MSH3: variants seen among roughly 807,000 people sequenced by gnomAD.
The protein encoded by MSH3 is mutS homolog 3, also known as DNA mismatch repair protein Msh3.
Under a neutral mutation model 123.3 loss-of-function variants are expected in MSH3, and 106 were observed. The observed-to-expected ratio is 0.86, with a 90% CI of 0.73 to 1.01. The LOEUF (loss-of-function observed/expected upper bound fraction) is 1.01. Among genes scored for constraint, MSH3 ranks in the 50% least tolerant of loss-of-function variants. The probability of loss-of-function intolerance (pLI) is 0.00; values close to 1 mark genes in which losing one functional copy is unlikely to be tolerated. For synonymous variants in MSH3, 515 were observed against 481.4 expected, an observed-to-expected ratio of 1.07 and a Z score of -0.91; for missense variants, 1,459 against 1,347.6, an observed-to-expected ratio of 1.08 and a Z score of -1.29.
In MSH3 at chr5:80,805,593, C is replaced by CT. The variant is rs34689496; in HGVS notation, c.2656-7972dup. Among the ~76,000 whole-genome samples the CT allele has an allele frequency of 4.6e-3, 481 of 104,462 alleles. 21 individuals are homozygous for CT. The highest frequency in any genetic ancestry group is 9.4e-3 in the African/African-American group (265 of 28,254). 68.5% of individuals were successfully genotyped at this position (104,462 alleles called of 152,430 possible). On this transcript the variant is annotated intron_variant, in intron 19 of 23. Coordinates refer to ENST00000265081, the MANE Select transcript of MSH3 (RefSeq NM_002439.5). ...TCAATATGATGCCCCCCCCCCCTAC[C>CT]TTTTTTTTTTTTTTTTTTTGAGATG...
intron 20 of MSH3, among the ~76,000 whole-genome samples, chr5:80,843,045 A>T (rs1745654800): frequency 6.6e-6 from 1 of 152,136 alleles, no homozygotes. Flanking sequence ...TGGGTTTGTC[A>T]TAAATAGCTC....
chr5:80,741,403 A>G (rs1561462324), intron 10 of MSH3, 61 bp from the exon 11 acceptor site: 1 of 1,080,296 alleles, frequency 9.3e-7, no homozygotes, highest in Non-Finnish European at 1.4e-6. Flanking sequence ...TAGTTCCTGA[A>G]TTAGTTTTTT....
At chr5:80,755,018 C>G (rs750375658) in intron 12 of MSH3, among the ~76,000 whole-genome samples, 3 of 152,150 alleles carry the variant, frequency 2.0e-5, no homozygotes, top group Non-Finnish European at 4.4e-5. Flanking sequence ...AGCCAGCAAC[C>G]GGGTGTTCAC....
At chr5:80,680,672 C>T (rs1216774787) in intron 8 of MSH3, among the ~76,000 whole-genome samples, 1 of 151,810 alleles carries the variant, frequency 6.6e-6, no homozygotes, top group Non-Finnish European at 1.5e-5. Flanking sequence ...TCATGAACTC[C>T]TGTCACTCTA....
intron 8 of MSH3, among the ~76,000 whole-genome samples, chr5:80,685,689 T>A (rs1009072482): frequency 5.3e-5 from 8 of 152,066 alleles, no homozygotes; most frequent in African/African-American, 1.9e-4. Flanking sequence ...TATTTTATAT[T>A]AATTTTGGGT....
At chr5:80,864,708 G>C in intron 21 of MSH3, 105 bp from the exon 22 acceptor site, 1 of 984,518 alleles carries the variant, frequency 1.0e-6, no homozygotes, top group Non-Finnish European at 1.5e-6. Flanking sequence ...CTTTTCTTGT[G>C]ACTTTTAGGA....
At chr5:80,852,331 C>CA (rs1357854502) in intron 20 of MSH3, among the ~76,000 whole-genome samples, 2 of 151,990 alleles carry the variant, frequency 1.3e-5, no homozygotes, top group South Asian at 2.1e-4. Flanking sequence ...GTCTCAAAAA[C>CA]AAAAAACAAA....
intron 20 of MSH3, among the ~76,000 whole-genome samples, chr5:80,844,111 T>G (rs1299681801): frequency 6.6e-6 from 1 of 152,098 alleles, no homozygotes; most frequent in East Asian, 1.9e-4. Flanking sequence ...TTTGTTCTCA[T>G]AGGTTTCAAA....
chr5:80,654,709 C>G lies in MSH3; in HGVS notation c.-19C>G. 1 of 1,584,838 alleles carries G rather than the reference C, an allele frequency of 6.3e-7. No individual in the cohort carries two copies. The highest frequency in any genetic ancestry group is 1.1e-5 in the South Asian group (1 of 89,346). ...CTCCTCGCCAGGCCCTGCCGCCGGG[C>G]TGCCATCCTTGCCCTGCCATGTCTC... On this transcript the variant is annotated 5_prime_UTR_variant, in exon 1 of 24. Transcript: ENST00000265081.
intron 16 of MSH3, among the ~76,000 whole-genome samples, chr5:80,776,351 T>A (rs1744298801): frequency 6.6e-6 from 1 of 152,228 alleles, no homozygotes; most frequent in Admixed American, 6.5e-5. Flanking sequence ...GGAAGAAAAG[T>A]TGAGGAACCT....
At chr5:80,778,547 A>C (rs866038993) in intron 16 of MSH3, among the ~76,000 whole-genome samples, 173 bp from the exon 17 acceptor site, 33 of 152,356 alleles carry the variant, frequency 2.2e-4, no homozygotes, top group Middle Eastern at 3.4e-3. Flanking sequence ...GCAAAGTCAT[A>C]TTCTTTGGAA....
At chr5:80,800,609 G>A (rs1744774992) in intron 19 of MSH3, among the ~76,000 whole-genome samples, 1 of 152,204 alleles carries the variant, frequency 6.6e-6, no homozygotes, top group Non-Finnish European at 1.5e-5. Context: ...GTGGAAACAA[G>A]GGGGTCATAT....
At chr5:80,717,737 T>A (rs964383927) in intron 8 of MSH3, among the ~76,000 whole-genome samples, 1 of 152,228 alleles carries the variant, frequency 6.6e-6, no homozygotes, top group East Asian at 1.9e-4. Flanking sequence ...TGGTTTTGAT[T>A]TGTATTTTCC....
At chr5:80,696,634 C>T (rs1004539495) in intron 8 of MSH3, among the ~76,000 whole-genome samples, 5 of 152,122 alleles carry the variant, frequency 3.3e-5, no homozygotes, top group East Asian at 3.9e-4. Context: ...CTTTCAGAGT[C>T]GTCTTATGTT....
At chr5:80,662,028 AAC>A (rs1749445348) in intron 2 of MSH3, among the ~76,000 whole-genome samples, 1 of 152,216 alleles carries the variant, frequency 6.6e-6, no homozygotes, top group African/African-American at 2.4e-5. Flanking sequence ...TAAGAATGTA[AAC>A]ACAGCCATAT....
intron 8 of MSH3, among the ~76,000 whole-genome samples, chr5:80,708,362 A>G (rs1216187201): frequency 6.6e-6 from 1 of 152,160 alleles, no homozygotes. Flanking sequence ...TACGTTTACC[A>G]GTTGTTTCCA....
At chr5:80,750,933 G>A (rs1429059628) in intron 12 of MSH3, among the ~76,000 whole-genome samples, 3 of 151,992 alleles carry the variant, frequency 2.0e-5, no homozygotes, top group Non-Finnish European at 4.4e-5. Context: ...TAATATCTTC[G>A]GAGAGGTTTT....
At chr5:80,817,649 A>T (rs32994) in intron 20 of MSH3, among the ~76,000 whole-genome samples, 130,149 of 152,076 alleles carry the variant, frequency 0.86, 55,771 homozygotes, top group East Asian at 1. Flanking sequence ...CATTAGTCAC[A>T]TGGAGGTTGA....
chr5:80,778,936 C>A, intron 17 of MSH3, 100 bp downstream of exon 17: 1 of 751,182 alleles, frequency 1.3e-6, no homozygotes. Flanking sequence ...CAGCTCATGA[C>A]CCACCATAAA....
Sources: gnomAD v4.1 joint callset for allele counts (sites outside exome capture counted in the v4.1 genomes callset) on GRCh38, gnomAD v4.1.1 for gene constraint, MANE v1.5 for transcripts, NCBI Gene and HGNC (gene_info 2026-07-23, HGNC 2026-07-21) for gene names.